Variants in BCLAF1 observed in about 807,000 individuals in gnomAD.
BCLAF1 encodes bcl-2-associated transcription factor 1.
BCLAF1 carries 10 observed loss-of-function variants against 99.5 expected under a neutral mutation model. The observed-to-expected ratio is 0.10, with a 90% CI of 0.06 to 0.17. The LOEUF is 0.17. Ranked by LOEUF, BCLAF1 falls within the 10% of genes least tolerant of loss-of-function variation. BCLAF1 has a pLI of 1.00. For synonymous variants in BCLAF1, 255 were observed against 370.9 expected, an observed-to-expected ratio of 0.69 and a Z score of 3.59; for missense variants, 636 against 1,105.8, an observed-to-expected ratio of 0.58 and a Z score of 6.02.
chr6:136,257,969 A>C lies in BCLAF1; in HGVS notation c.*3141T>G, dbSNP rs1051213931. On this transcript the variant is annotated 3_prime_UTR_variant, in exon 13 of 13. Coordinates refer to ENST00000531224, the MANE Select transcript of BCLAF1 (RefSeq NM_014739.3). Reference sequence around the variant, plus strand: ...ACATTACAATTATCCAGTATAATTAAGCTACCAATGATCTTACACAACACT... The same window carrying C: ...ACATTACAATTATCCAGTATAATTACGCTACCAATGATCTTACACAACACT... 6.6e-6 allele frequency: 1 copy of C among 152,172 alleles called. No individual in the cohort carries two copies. Among genetic ancestry groups the C allele is most frequent in the Non-Finnish European group, 1.5e-5 (1 of 67,968 alleles). The allele number at this position is 152,172 out of a possible 1,614,324, so 9.4% of individuals were successfully genotyped here.
rs766701834 is a variant in BCLAF1 at position 136,260,503 on chromosome 6, TTA to T, written c.*605_*606del. ...TTCTCAAAACTTTTCAATCTGATTT[TTA>T]ATAGCTTGTACTTTTTAGCTATTGG... On this transcript the variant is annotated 3_prime_UTR_variant, in exon 13 of 13. Transcript: ENST00000531224. 0.018 allele frequency: 2,722 copies of T among 152,648 alleles called. 34 individuals are homozygous for T. Among genetic ancestry groups the T allele is most frequent in the Non-Finnish European group, 0.029 (1,947 of 67,942 alleles). The allele number at this position is 152,648 out of a possible 1,614,324, so 9.5% of individuals were successfully genotyped here. A position where few individuals can be genotyped will look rare whatever the true frequency, so the allele number is the denominator to read the frequency against.
chr6:136,269,720 G>A lies in BCLAF1; in HGVS notation c.2044-108C>T, dbSNP rs567052248. On this transcript the variant is annotated intron_variant, in intron 8 of 12. Transcript: ENST00000531224. Reference sequence around the variant, plus strand: ...TGCCAGCTTCTAAACTGGCATTTTAGTATCAGAAAATAATGAATCATATAA... The same window carrying A: ...TGCCAGCTTCTAAACTGGCATTTTAATATCAGAAAATAATGAATCATATAA... 53 of 795,238 alleles carry A rather than the reference G, an allele frequency of 6.7e-5. No homozygotes were observed. The Middle Eastern group carries it at 4.9e-3, about 74-fold the overall frequency. 49.3% of individuals were successfully genotyped at this position (795,238 alleles called of 1,614,324 possible). A position where few individuals can be genotyped will look rare whatever the true frequency, so the allele number is the denominator to read the frequency against.
chr6:136,288,498 A>C (rs377640216), intron 1 of BCLAF1, among the ~76,000 whole-genome samples: 4 of 152,236 alleles, frequency 2.6e-5, no homozygotes, highest in African/African-American at 9.6e-5. Flanking sequence ...GTCGAACTGA[A>C]ATGAGAATTC....
intron 8 of BCLAF1, chr6:136,270,494 A>C (rs932051191): frequency 6.6e-6 from 1 of 151,862 alleles, no homozygotes; most frequent in Admixed American, 6.6e-5. Flanking sequence ...TATAATATTC[A>C]TAAGCATTCA....
At chr6:136,284,130 G>GTGTATGTGTGTGTATATATATATA (rs36141174) in intron 1 of BCLAF1, among the ~76,000 whole-genome samples, 3 of 122,120 alleles carry the variant, frequency 2.5e-5, no homozygotes, top group African/African-American at 1.2e-4. Flanking sequence ...GTGTGTGTGT[G>GTGTATGTGTGTGTATATATATATA]TATATATATA....
chr6:136,286,061 T>C (rs992709641), intron 1 of BCLAF1, among the ~76,000 whole-genome samples: 8 of 152,014 alleles, frequency 5.3e-5, no homozygotes, highest in African/African-American at 1.4e-4. Context: ...ATTGCACCAC[T>C]GCACTCCAGG....
chr6:136,284,996 CTT>C (rs1784946724), intron 1 of BCLAF1, among the ~76,000 whole-genome samples: 1 of 152,020 alleles, frequency 6.6e-6, no homozygotes, highest in Admixed American at 6.6e-5. Context: ...AGGACACAAA[CTT>C]AGCAAATTCA....
chr6:136,279,971 C>A, intron 2 of BCLAF1, 95 bp from the exon 3 acceptor site: 2 of 1,256,260 alleles, frequency 1.6e-6, no homozygotes, highest in Non-Finnish European at 2.0e-6. Context: ...TTGATTTTTA[C>A]AAGTTTCTCA....
intron 1 of BCLAF1, among the ~76,000 whole-genome samples, chr6:136,285,763 A>C (rs950859185): frequency 1.3e-5 from 2 of 152,250 alleles, no homozygotes; most frequent in African/African-American, 4.8e-5. Context: ...GAAATAATAC[A>C]TAATGACCAG....
chr6:136,263,285 C>A (rs924140109), intron 11 of BCLAF1, among the ~76,000 whole-genome samples: 39 of 152,060 alleles, frequency 2.6e-4, no homozygotes, highest in Non-Finnish European at 5.0e-4. Context: ...GATTACCACA[C>A]CAGGTAGCTA....
rs748482333 is a variant in BCLAF1, at chr6:136,276,211, G to A, written c.1314C>T (p.Tyr438=). Residue 438 remains tyrosine (Y), a synonymous_variant, in exon 5 of 13, where the codon TAC becomes TAT. Transcript: ENST00000531224. ...HRNTEEEGLK[Y]KSKVSLKGNR... ...TGCCTTTCAGTGAAACTTTGGACTT[G>A]TACTTGAGTCCTTCCTCCTCAGTAT... 24 of 1,607,008 alleles carry A rather than the reference G, an allele frequency of 1.5e-5. No homozygotes were observed. The highest frequency in any genetic ancestry group is 1.4e-4 in the South Asian group (13 of 90,024).
rs140406231 is a variant in BCLAF1, at chr6:136,280,513, T to A, written c.-10-637A>T. ...AGTGGACTTATGTGACAATGCCTAG[T>A]TCACCCTGAAGCTTTCTGTTAAGAA... On this transcript the variant is annotated intron_variant, in intron 2 of 12. Coordinates refer to ENST00000531224, the MANE Select transcript of BCLAF1 (RefSeq NM_014739.3). 3.9e-3 allele frequency among the ~76,000 whole-genome samples: 588 copies of A among 152,270 alleles called. 1 individual carries two copies. The highest frequency in any genetic ancestry group is 6.4e-3 in the Non-Finnish European group (437 of 68,016).
chr6:136,263,903 G>C (rs996139985), intron 11 of BCLAF1, among the ~76,000 whole-genome samples: 4 of 152,076 alleles, frequency 2.6e-5, no homozygotes, highest in African/African-American at 9.7e-5. Flanking sequence ...ACAAAGCTTA[G>C]AGATAGGAAA....
Position 136,274,234 on chromosome 6 carries a change from T to C in BCLAF1, c.1853-1047A>G, listed in dbSNP as rs141491241. 4.4e-6 allele frequency: 5 copies of C among 1,126,564 alleles called. No individual in the cohort carries two copies. The African/African-American group carries it at 6.4e-5, about 15-fold the overall frequency. The allele number at this position is 1,126,564 out of a possible 1,614,324, so 69.8% of individuals were successfully genotyped here. A position where few individuals can be genotyped will look rare whatever the true frequency, so the allele number is the denominator to read the frequency against. ...AAACATCACTGGGCATTTTCAGCTCTATATAAAGTAAGAGCTGTTCAGATC... is the reference window on the plus strand; with the variant it reads ...AAACATCACTGGGCATTTTCAGCTCCATATAAAGTAAGAGCTGTTCAGATC... On this transcript the variant is annotated intron_variant, in intron 6 of 12. Transcript: ENST00000531224.
intron 4 of BCLAF1, among the ~76,000 whole-genome samples, chr6:136,277,210 C>G (rs956762904): frequency 6.6e-6 from 1 of 152,184 alleles, no homozygotes; most frequent in Non-Finnish European, 1.5e-5. Context: ...GTATCTGTTT[C>G]AAATGTCATT....
intron 7 of BCLAF1, 98 bp downstream of exon 7, chr6:136,272,984 G>T: frequency 2.7e-6 from 2 of 750,044 alleles, no homozygotes; most frequent in Non-Finnish European, 4.4e-6. Flanking sequence ...AATAATACTT[G>T]TATCAATGAC....
rs1780546041 is a variant in BCLAF1, at chr6:136,257,833, A to C, written c.*3277T>G. On this transcript the variant is annotated 3_prime_UTR_variant, in exon 13 of 13. Coordinates refer to ENST00000531224, the MANE Select transcript of BCLAF1 (RefSeq NM_014739.3). ...GTCTATTATTCCACAAGGAAACTTA[A>C]GGTACATCCCCACCAATGGGATTCC... 1.3e-5 allele frequency: 2 copies of C among 152,122 alleles called. No individual in the cohort carries two copies. The highest frequency in any genetic ancestry group is 2.1e-4 in the South Asian group (1 of 4,832). 9.4% of individuals were successfully genotyped at this position (152,122 alleles called of 1,614,324 possible).
chr6:136,285,507 C>A (rs1173152044), intron 1 of BCLAF1, among the ~76,000 whole-genome samples: 1 of 152,176 alleles, frequency 6.6e-6, no homozygotes, highest in Non-Finnish European at 1.5e-5. Flanking sequence ...CTTCAATACC[C>A]TAAAAGGTGC....
In BCLAF1 at chr6:136,258,687, A is replaced by G. The variant is rs1780628800; in HGVS notation, c.*2423T>C. Reference sequence around the variant, plus strand: ...AAGAATCGTTTAGCCATCTACATTCAATGTTACTGGGTAATATTTTTCTCA... The same window carrying G: ...AAGAATCGTTTAGCCATCTACATTCGATGTTACTGGGTAATATTTTTCTCA... On this transcript the variant is annotated 3_prime_UTR_variant, in exon 13 of 13. Transcript: ENST00000531224. 6.6e-6 allele frequency: 1 copy of G among 152,512 alleles called. No individual in the cohort carries two copies. The highest frequency in any genetic ancestry group is 2.1e-4 in the South Asian group (1 of 4,832). 9.4% of individuals were successfully genotyped at this position (152,512 alleles called of 1,614,324 possible). A position where few individuals can be genotyped will look rare whatever the true frequency, so the allele number is the denominator to read the frequency against.
Sources: allele counts gnomAD v4.1 joint callset (sites outside exome capture counted in the v4.1 genomes callset), GRCh38; gene constraint gnomAD v4.1.1; transcripts MANE v1.5; gene names NCBI Gene and HGNC (gene_info 2026-07-23, HGNC 2026-07-21).